Variants in ATP6V1A observed in about 807,000 individuals in gnomAD.
ATP6V1A encodes ATPase H+ transporting V1 subunit A, also known as V-type proton ATPase catalytic subunit A.
In ATP6V1A, 18 loss-of-function variants were observed where a neutral mutation model predicts 70.1. The observed-to-expected ratio is 0.26, with a 90% confidence interval of 0.18 to 0.38. The LOEUF is 0.38. ATP6V1A is among the 10% of genes least tolerant of loss of function. The pLI is 1.00. For missense variants in ATP6V1A, 424 were observed against 772.4 expected (o/e 0.55, Z 5.35); for synonymous variants, 232 against 253.8 (o/e 0.91, Z 0.82).
At position 113,805,493 on chromosome 3, in the gene ATP6V1A, A is replaced by G; in HGVS notation, c.1729A>G (p.Ile577Val). 6.2e-7 allele frequency: 1 copy of G among 1,613,828 alleles called. No individual in the cohort carries two copies. Among genetic ancestry groups the G allele is most frequent in the Admixed American group, 1.7e-5 (1 of 59,954 alleles). ...CATTATTCGTGAGCACATGGGAGACATCCTCTATAAACTTTCCTCCATGAA... is the reference window on the plus strand; with the variant it reads ...CATTATTCGTGAGCACATGGGAGACGTCCTCTATAAACTTTCCTCCATGAA... ...WSIIREHMGD[I>V]LYKLSSMKFK... The change falls in exon 14 of 15, where the codon ATC (isoleucine) becomes GTC (valine). Residue 577 changes from isoleucine (I) to valine (V), a missense_variant. Ile to Val is a conservative substitution (Grantham distance 29, BLOSUM62 3). This residue lies in a region of ATP6V1A where 127 missense variants were observed against 207.9 expected (regional missense o/e 0.61). Transcript: ENST00000273398.
intron 1 of ATP6V1A, among the ~76,000 whole-genome samples, chr3:113,750,016 C>T (rs927151946): frequency 6.6e-6 from 1 of 152,104 alleles, no homozygotes; most frequent in Admixed American, 6.6e-5. Context: ...ATGAATCGTA[C>T]TAAATGAAAA....
intron 1 of ATP6V1A, among the ~76,000 whole-genome samples, chr3:113,772,477 C>T (rs553241483): frequency 3.3e-5 from 5 of 152,276 alleles, no homozygotes; most frequent in Admixed American, 3.3e-4. Context: ...CCTGTAATCC[C>T]AGCACTTTGG....
At chr3:113,786,494 A>T in intron 6 of ATP6V1A, 111 bp downstream of exon 6, 5 of 1,050,780 alleles carry the variant, frequency 4.8e-6, no homozygotes, top group Non-Finnish European at 6.5e-6. Context: ...AATACATTTT[A>T]TCTAGAGTAA....
At chr3:113,780,109 A>G (rs571182452) in intron 2 of ATP6V1A, among the ~76,000 whole-genome samples, 2 of 152,260 alleles carry the variant, frequency 1.3e-5, no homozygotes, top group African/African-American at 4.8e-5. Context: ...TGATTTTTAA[A>G]TTTCATTATC....
intron 7 of ATP6V1A, among the ~76,000 whole-genome samples, chr3:113,789,325 G>A (rs191915839): frequency 5.9e-5 from 9 of 152,280 alleles, no homozygotes; most frequent in Admixed American, 3.9e-4. Flanking sequence ...TGGGATTATA[G>A]GCATGAGCCA....
chr3:113,777,988 T>C (rs1052070739), intron 1 of ATP6V1A, among the ~76,000 whole-genome samples: 1 of 152,190 alleles, frequency 6.6e-6, no homozygotes, highest in African/African-American at 2.4e-5. Flanking sequence ...AGACTTCACA[T>C]TTTTTGTTAT....
intron 1 of ATP6V1A, among the ~76,000 whole-genome samples, chr3:113,761,206 AG>A (rs1461976247): frequency 1.3e-5 from 2 of 151,148 alleles, no homozygotes; most frequent in Non-Finnish European, 2.9e-5. Context: ...CTTCCCAAGT[AG>A]CTGAGAATAC....
chr3:113,803,767 A>C, intron 13 of ATP6V1A, 90 bp downstream of exon 13: 2 of 871,544 alleles, frequency 2.3e-6, no homozygotes, highest in Admixed American at 4.6e-5. Flanking sequence ...TTTTATTCTC[A>C]TACAGGCTCA....
In ATP6V1A at chr3:113,763,270, G is replaced by C. The variant is rs555776136; in HGVS notation, c.-13-15471G>C. On this transcript the variant is annotated intron_variant, in intron 1 of 14. Transcript: ENST00000273398. Reference sequence around the variant, plus strand: ...GCCCAGCTAATTTTTTGTATTTTTAGTAGAGACGGGGTTTCACTGTGTTAG... The same window carrying C: ...GCCCAGCTAATTTTTTGTATTTTTACTAGAGACGGGGTTTCACTGTGTTAG... 1.8e-4 allele frequency among the ~76,000 whole-genome samples: 28 copies of C among 152,212 alleles called. 2 individuals carry two copies. In the South Asian group the frequency reaches 5.8e-3, roughly 32 times the overall value.
At chr3:113,768,599 T>C (rs1708800509) in intron 1 of ATP6V1A, among the ~76,000 whole-genome samples, 1 of 148,562 alleles carries the variant, frequency 6.7e-6, no homozygotes, top group East Asian at 2.0e-4. Context: ...TATCTTTTTT[T>C]TTTTTTTTTT....
At chr3:113,755,696 A>G (rs1708640362) in intron 1 of ATP6V1A, among the ~76,000 whole-genome samples, 1 of 152,206 alleles carries the variant, frequency 6.6e-6, no homozygotes, top group South Asian at 2.1e-4. Context: ...TTTAACATTC[A>G]TTTACTCATC....
chr3:113,805,601 A>T, intron 14 of ATP6V1A, 76 bp downstream of exon 14: 3 of 1,419,572 alleles, frequency 2.1e-6, no homozygotes, highest in Admixed American at 2.1e-5. Context: ...ACAGAGTCTC[A>T]CTCTGTTGCG....
chr3:113,774,831 A>G (rs1445827612), intron 1 of ATP6V1A, among the ~76,000 whole-genome samples: 1 of 152,022 alleles, frequency 6.6e-6, no homozygotes, highest in East Asian at 1.9e-4. Context: ...AAGAAAAGAA[A>G]AAAAAAAAGC....
chr3:113,749,634 G>A (rs1358209765), intron 1 of ATP6V1A, among the ~76,000 whole-genome samples: 1 of 151,990 alleles, frequency 6.6e-6, no homozygotes, highest in African/African-American at 2.4e-5. Flanking sequence ...TTTAATTCCT[G>A]TTCCCTGGGC....
intron 1 of ATP6V1A, among the ~76,000 whole-genome samples, chr3:113,772,880 T>C (rs1406643171): frequency 6.6e-6 from 1 of 151,178 alleles, no homozygotes; most frequent in Non-Finnish European, 1.5e-5. Flanking sequence ...GTAGAGAAGA[T>C]TAAATTACTC....
intron 1 of ATP6V1A, among the ~76,000 whole-genome samples, chr3:113,775,810 C>T (rs1006660405): frequency 1.3e-5 from 2 of 152,144 alleles, no homozygotes; most frequent in Admixed American, 1.3e-4. Context: ...TCAGTTTCTT[C>T]TCTGATTTTG....
At chr3:113,766,879 A>T (rs1339616197) in intron 1 of ATP6V1A, among the ~76,000 whole-genome samples, 1 of 152,146 alleles carries the variant, frequency 6.6e-6, no homozygotes, top group African/African-American at 2.4e-5. Flanking sequence ...CTGTCGAAGT[A>T]AGGTGTTTTG....
chr3:113,795,011 C>G lies in ATP6V1A; in HGVS notation c.1111+17C>G, dbSNP rs1049824688. 6.2e-7 allele frequency: 1 copy of G among 1,613,138 alleles called. No individual in the cohort carries two copies. Among genetic ancestry groups the G allele is most frequent in the African/African-American group, 1.3e-5 (1 of 74,836 alleles). ...TGCCTGCAGGTAAGTCTGTGTATTG[C>G]TTATCATGTAAACAAGACTGATGGG... On this transcript the variant is annotated intron_variant, in intron 9 of 14. Transcript: ENST00000273398.
At chr3:113,806,749 C>T (rs945564080) in intron 14 of ATP6V1A, among the ~76,000 whole-genome samples, 3 of 152,022 alleles carry the variant, frequency 2.0e-5, no homozygotes, top group African/African-American at 7.2e-5. Context: ...CGTGAGCCAC[C>T]GCATCCAGCC....
Sources: gnomAD v4.1 joint callset for allele counts (sites outside exome capture counted in the v4.1 genomes callset) on GRCh38, gnomAD v4.1.1 for gene constraint, gnomAD v4.1.1 regional missense constraint, MANE v1.5 for transcripts, NCBI Gene and HGNC (gene_info 2026-07-23, HGNC 2026-07-21) for gene names.